Variants in ARHGEF3 observed in about 807,000 individuals in gnomAD.
ARHGEF3 encodes the protein 59.8 kDA protein.
Under a neutral mutation model 63.2 loss-of-function variants are expected in ARHGEF3, and 28 were observed. That is an observed-to-expected ratio of 0.44 (90% CI 0.33 to 0.61). The LOEUF (loss-of-function observed/expected upper bound fraction) is 0.61, where lower values mean the gene tolerates loss of function less well. ARHGEF3 is among the 20% of genes least tolerant of loss of function. The pLI is 0.03. For missense variants in ARHGEF3, 533 were observed against 659.3 expected, an observed-to-expected ratio of 0.81 and a Z score of 2.10; for synonymous variants, 266 against 254.2, an observed-to-expected ratio of 1.05 and a Z score of -0.44.
intron 1 of ARHGEF3, among the ~76,000 whole-genome samples, chr3:57,044,879 C>A (rs1704380174): frequency 6.6e-6 from 1 of 152,194 alleles, no homozygotes; most frequent in African/African-American, 2.4e-5. Flanking sequence ...GGCATCTCAT[C>A]TTTTATTATG....
intron 3 of ARHGEF3, among the ~76,000 whole-genome samples, chr3:56,903,758 A>AT (rs547193380): frequency 4.6e-5 from 7 of 150,792 alleles, no homozygotes; most frequent in South Asian, 4.2e-4. Flanking sequence ...TGGTTCCTGA[A>AT]TTTTTTTTTT....
At chr3:56,962,867 G>T (rs989844320) in intron 2 of ARHGEF3, among the ~76,000 whole-genome samples, 1 of 152,160 alleles carries the variant, frequency 6.6e-6, no homozygotes, top group African/African-American at 2.4e-5. Context: ...TAGGCCTTAG[G>T]GTTAGTGCAG....
intron 1 of ARHGEF3, among the ~76,000 whole-genome samples, chr3:57,071,098 C>T (rs1705875197): frequency 6.6e-6 from 1 of 151,970 alleles, no homozygotes; most frequent in Non-Finnish European, 1.5e-5. Context: ...GACAGCAATA[C>T]TGGCATAAGG....
intron 2 of ARHGEF3, among the ~76,000 whole-genome samples, chr3:56,971,786 GGA>G (rs1481969809): frequency 2.0e-5 from 3 of 151,976 alleles, no homozygotes; most frequent in Non-Finnish European, 4.4e-5. Flanking sequence ...CCCAGGAGGT[GGA>G]GCTTGCAGTG....
chr3:56,773,058 TG>T (rs1175954486), intron 2 of ARHGEF3, among the ~76,000 whole-genome samples: 1 of 152,110 alleles, frequency 6.6e-6, no homozygotes, highest in East Asian at 1.9e-4. Context: ...AAGGGCCAGA[TG>T]GTAAATATTT....
intron 3 of ARHGEF3, among the ~76,000 whole-genome samples, chr3:56,952,280 G>A (rs1043380035): frequency 6.6e-6 from 1 of 152,112 alleles, no homozygotes; most frequent in South Asian, 2.1e-4. Flanking sequence ...CTCTGACAGC[G>A]ACCCCAAGCT....
intron 3 of ARHGEF3, among the ~76,000 whole-genome samples, chr3:56,925,728 A>G (rs1229845043): frequency 6.6e-6 from 1 of 152,222 alleles, no homozygotes; most frequent in Non-Finnish European, 1.5e-5. Context: ...GTAATGGAAT[A>G]AGGACTGGAG....
intron 2 of ARHGEF3, among the ~76,000 whole-genome samples, chr3:56,769,290 C>T (rs1357801279): frequency 2.0e-5 from 3 of 152,214 alleles, no homozygotes; most frequent in African/African-American, 7.2e-5. Flanking sequence ...AAGGCGAGCT[C>T]GCCTTCCTCA....
intron 3 of ARHGEF3, among the ~76,000 whole-genome samples, chr3:56,953,525 C>A (rs147186441): frequency 3.3e-5 from 5 of 152,278 alleles, no homozygotes; most frequent in African/African-American, 9.6e-5. Context: ...AGCAGCTGCC[C>A]CTTCCCCACC....
intron 4 of ARHGEF3, among the ~76,000 whole-genome samples, chr3:56,865,957 G>A (rs1334068145): frequency 1.3e-5 from 2 of 151,736 alleles, no homozygotes; most frequent in Non-Finnish European, 2.9e-5. Context: ...TCTGTTAGCC[G>A]TAGGTGAATC....
At chr3:56,789,020 A>ATGATGCTGCTGCTGCTGCTGCTGC (rs1553754802) in intron 1 of ARHGEF3, among the ~76,000 whole-genome samples, 21 of 149,224 alleles carry the variant, frequency 1.4e-4, no homozygotes, top group African/African-American at 5.2e-4. Flanking sequence ...TTCAAGATAG[A>ATGATGCTGCTGCTGCTGCTGCTGC]TGCTGCTGCT....
intron 4 of ARHGEF3, among the ~76,000 whole-genome samples, chr3:56,822,500 C>CTA (rs2038545329): frequency 6.6e-6 from 1 of 152,046 alleles, no homozygotes; most frequent in Non-Finnish European, 1.5e-5. Flanking sequence ...ATGAGGGCAC[C>CTA]TATATGTATA....
chr3:57,034,389 T>C (rs1436383595), intron 2 of ARHGEF3, among the ~76,000 whole-genome samples: 1 of 151,644 alleles, frequency 6.6e-6, no homozygotes, highest in Non-Finnish European at 1.5e-5. Context: ...CTTTGCCTCC[T>C]CTTGGGGGAC....
At chr3:56,730,826 G>C (rs1268661038) in intron 9 of ARHGEF3, among the ~76,000 whole-genome samples, 1 of 152,128 alleles carries the variant, frequency 6.6e-6, no homozygotes, top group Non-Finnish European at 1.5e-5. Flanking sequence ...ACTTCCAATG[G>C]CTTAGAGGCT....
intron 3 of ARHGEF3, among the ~76,000 whole-genome samples, chr3:56,754,376 C>T (rs2034941818): frequency 6.6e-6 from 1 of 152,182 alleles, no homozygotes; most frequent in Non-Finnish European, 1.5e-5. Flanking sequence ...AGTGGTCAGG[C>T]TTTGAAAGCT....
chr3:56,945,972 A>G (rs1429424085), intron 3 of ARHGEF3, among the ~76,000 whole-genome samples: 1 of 152,182 alleles, frequency 6.6e-6, no homozygotes, highest in African/African-American at 2.4e-5. Context: ...CTGTTCACCA[A>G]TATCTGCTGT....
rs922238822 is a variant in ARHGEF3 at position 56,757,211 on chromosome 3, G to A, written c.205-2060C>T. ...TAAGTGGCTGGGCACAGTGGCTCAC[G>A]CCTGTAATCCCAGCACTTTGGGAAG... On this transcript the variant is annotated intron_variant, in intron 2 of 9. Transcript: ENST00000296315. 3.9e-5 allele frequency among the ~76,000 whole-genome samples: 6 copies of A among 152,292 alleles called. 1 individual carries two copies. Among genetic ancestry groups the A allele is most frequent in the Admixed American group, 6.5e-5 (1 of 15,304 alleles).
chr3:57,004,149 G>C (rs11709998), intron 2 of ARHGEF3, among the ~76,000 whole-genome samples: 1 of 152,038 alleles, frequency 6.6e-6, no homozygotes, highest in African/African-American at 2.4e-5. Flanking sequence ...GGTGCTGTGC[G>C]AACCTGAGGG....
chr3:56,738,633 G>A (rs1407834177), intron 7 of ARHGEF3, among the ~76,000 whole-genome samples: 3 of 152,168 alleles, frequency 2.0e-5, no homozygotes, highest in East Asian at 1.9e-4. Context: ...AGAAGATTCC[G>A]AAGTGGTGGT....
Sources: allele counts gnomAD v4.1 joint callset (sites outside exome capture counted in the v4.1 genomes callset), GRCh38; gene constraint gnomAD v4.1.1; transcripts MANE v1.5; gene names NCBI Gene and HGNC (gene_info 2026-07-23, HGNC 2026-07-21).